The following DPP10 variants were observed in gnomAD, a reference collection of about 807,000 sequenced individuals.
DPP10 encodes the protein dipeptidyl peptidase like 10.
In DPP10, 33 loss-of-function variants were observed where a neutral mutation model predicts 120.9. The observed-to-expected ratio is 0.27, with a 90% CI of 0.21 to 0.37. The LOEUF is 0.37. Ranked by LOEUF, DPP10 falls within the 10% of genes least tolerant of loss-of-function variation. The pLI is 1.00. For synonymous variants in DPP10, 337 were observed against 326.1 expected, an observed-to-expected ratio of 1.03 and a Z score of -0.36; for missense variants, 816 against 942.8, an observed-to-expected ratio of 0.87 and a Z score of 1.76.
At chr2:115,820,314 T>C (rs1687680357) in intron 21 of DPP10, among the ~76,000 whole-genome samples, 1 of 152,220 alleles carries the variant, frequency 6.6e-6, no homozygotes, top group Admixed American at 6.5e-5. Context: ...TTATCAATTA[T>C]TTAATTTTGT....
chr2:115,609,880 G>T (rs1369060524), intron 5 of DPP10, among the ~76,000 whole-genome samples: 1 of 152,138 alleles, frequency 6.6e-6, no homozygotes, highest in Non-Finnish European at 1.5e-5. Context: ...TGGTTGGAAT[G>T]AATAGTTAAG....
chr2:114,966,690 TG>T (rs1394915500), intron 1 of DPP10, among the ~76,000 whole-genome samples: 4 of 152,220 alleles, frequency 2.6e-5, no homozygotes, highest in East Asian at 3.9e-4. Context: ...TTTATGATCT[TG>T]ACCAGAGGAA....
chr2:115,069,370 TTA>T lies in DPP10; in HGVS notation c.61-239865_61-239864del, dbSNP rs751814086. Among the ~76,000 whole-genome samples the T allele has an allele frequency of 3.1e-4, 47 of 152,230 alleles. 2 individuals are homozygous for T. In the East Asian group the frequency reaches 4.1e-3, roughly 13 times the overall value. Reference sequence around the variant, plus strand: ...TAGTGTATAGAAATGCCACAGATTTTTATATGTTTGTTTTGTATCCTGCAGTT... The same window carrying T: ...TAGTGTATAGAAATGCCACAGATTTTTATGTTTGTTTTGTATCCTGCAGTT... On this transcript the variant is annotated intron_variant, in intron 1 of 25. Coordinates refer to ENST00000410059, the MANE Select transcript of DPP10 (RefSeq NM_020868.6).
chr2:115,626,913 A>C (rs72947962), intron 5 of DPP10, among the ~76,000 whole-genome samples: 2,821 of 152,280 alleles, frequency 0.019, 97 homozygotes, highest in African/African-American at 0.064. Flanking sequence ...CTAAACACAC[A>C]TTGAAAACTG....
At chr2:115,704,650 A>G (rs2092028700) in intron 7 of DPP10, among the ~76,000 whole-genome samples, 1 of 151,996 alleles carries the variant, frequency 6.6e-6, no homozygotes, top group Non-Finnish European at 1.5e-5. Flanking sequence ...ATATGGGAAA[A>G]AGTCATGTAT....
At chr2:115,359,583 A>G (rs1398636681) in intron 3 of DPP10, among the ~76,000 whole-genome samples, 1 of 152,102 alleles carries the variant, frequency 6.6e-6, no homozygotes, top group East Asian at 1.9e-4. Flanking sequence ...TGGAAAATCT[A>G]TTGAATATGT....
chr2:115,086,372 A>C (rs1573555558), intron 1 of DPP10, among the ~76,000 whole-genome samples: 1 of 151,778 alleles, frequency 6.6e-6, no homozygotes, highest in African/African-American at 2.4e-5. Flanking sequence ...GTTTAAATTT[A>C]CCCATAGCCT....
chr2:115,525,170 G>GT (rs1011143812), intron 4 of DPP10, among the ~76,000 whole-genome samples: 71 of 152,152 alleles, frequency 4.7e-4, no homozygotes, highest in African/African-American at 1.6e-3. Context: ...CTATTTTGGA[G>GT]TTTTTTCACA....
intron 3 of DPP10, among the ~76,000 whole-genome samples, chr2:115,411,436 A>G (rs1207806975): frequency 6.6e-6 from 1 of 152,154 alleles, no homozygotes; most frequent in East Asian, 1.9e-4. Flanking sequence ...GGGAAAAAAA[A>G]TTGTCTGTAT....
At chr2:115,753,913 G>A (rs1812462) in intron 11 of DPP10, among the ~76,000 whole-genome samples, 146,687 of 152,248 alleles carry the variant, frequency 0.96, 70,915 homozygotes, top group Non-Finnish European at 1. Flanking sequence ...TGGGTAAAGC[G>A]TTTTTAGATT....
intron 4 of DPP10, among the ~76,000 whole-genome samples, chr2:115,502,099 T>A (rs6737951): frequency 0.21 from 32,223 of 151,944 alleles, 3,920 homozygotes; most frequent in East Asian, 0.39. Flanking sequence ...AATTTATTTT[T>A]AAAATTAAGA....
At chr2:114,519,658 A>C (rs1684889019) in intron 1 of DPP10, among the ~76,000 whole-genome samples, 1 of 152,356 alleles carries the variant, frequency 6.6e-6, no homozygotes, top group South Asian at 2.1e-4. Flanking sequence ...TTATTAGCCC[A>C]GTTCTAAATC....
At position 114,888,387 on chromosome 2, in the gene DPP10, G is replaced by A. The variant is rs139323702; in HGVS notation, c.61-420852G>A. Among the ~76,000 whole-genome samples, 6 of 151,960 alleles carry A rather than the reference G, an allele frequency of 3.9e-5. No individual in the cohort carries two copies. In the East Asian group the frequency reaches 1.2e-3, roughly 29 times the overall value. On this transcript the variant is annotated intron_variant, in intron 1 of 25. Transcript: ENST00000410059. ...CTATAGTAGATAAAAGAAGAAGAAGGTACAATTAATAGTGATATTGACACA... is the reference window on the plus strand; with the variant it reads ...CTATAGTAGATAAAAGAAGAAGAAGATACAATTAATAGTGATATTGACACA...
At chr2:115,285,166 C>G (rs2060314192) in intron 1 of DPP10, among the ~76,000 whole-genome samples, 1 of 152,010 alleles carries the variant, frequency 6.6e-6, no homozygotes, top group African/African-American at 2.4e-5. Flanking sequence ...AAAGTTAGAG[C>G]AGGCCCAGGA....
intron 1 of DPP10, among the ~76,000 whole-genome samples, chr2:115,136,454 CAAAGT>C (rs2050656700): frequency 6.6e-6 from 1 of 152,112 alleles, no homozygotes; most frequent in Non-Finnish European, 1.5e-5. Flanking sequence ...GATGTGGCTA[CAAAGT>C]AAAGTCATAA....
chr2:114,446,857 G>C (rs189272511), intron 1 of DPP10, among the ~76,000 whole-genome samples: 78 of 152,176 alleles, frequency 5.1e-4, no homozygotes, highest in African/African-American at 1.8e-3. Flanking sequence ...GAAGACAAGG[G>C]GTTAAAAGAG....
intron 1 of DPP10, among the ~76,000 whole-genome samples, chr2:115,014,238 A>G (rs1702472012): frequency 6.6e-6 from 1 of 152,202 alleles, no homozygotes; most frequent in Non-Finnish European, 1.5e-5. Flanking sequence ...ATGCTCCTGA[A>G]TGACTACTGG....
At chr2:114,658,941 A>G (rs1697177258) in intron 1 of DPP10, among the ~76,000 whole-genome samples, 1 of 152,186 alleles carries the variant, frequency 6.6e-6, no homozygotes, top group African/African-American at 2.4e-5. Flanking sequence ...TGATTAGATC[A>G]TGGGGTTTCT....
At position 114,871,266 on chromosome 2, in the gene DPP10, G is replaced by T. The variant is rs1457454716; in HGVS notation, c.60+428428G>T. On this transcript the variant is annotated intron_variant, in intron 1 of 25. Transcript: ENST00000410059. ...TATTATTGGGGGAAAGAACACTGAA[G>T]AAACAAGACTTTATTCCCATGAAAA... is the stretch of plus-strand genomic sequence containing the variant. 3.6e-5 allele frequency among the ~76,000 whole-genome samples: 3 copies of T among 82,662 alleles called. 1 individual carries two copies. The highest frequency in any genetic ancestry group is 1.1e-4 in the African/African-American group (3 of 27,892). The allele number at this position is 82,662 out of a possible 152,430, so 54.2% of individuals were successfully genotyped here.
Sources: gnomAD v4.1 joint callset for allele counts (sites outside exome capture counted in the v4.1 genomes callset) on GRCh38, gnomAD v4.1.1 for gene constraint, MANE v1.5 for transcripts, NCBI Gene and HGNC (gene_info 2026-07-23, HGNC 2026-07-21) for gene names.